Variants in AGFG1 observed in about 807,000 individuals in gnomAD.
AGFG1 encodes arf-GAP domain and FG repeat-containing protein 1.
AGFG1 carries 10 observed loss-of-function variants against 60.6 expected under a neutral mutation model. That is an observed-to-expected ratio of 0.16 (90% CI 0.10 to 0.28). The LOEUF (loss-of-function observed/expected upper bound fraction) is 0.28, where lower values mean the gene tolerates loss of function less well. Among genes scored for constraint, AGFG1 ranks in the 10% least tolerant of loss-of-function variants. The pLI, the probability that AGFG1 is intolerant of heterozygous loss-of-function variation, is 1.00. For synonymous variants in AGFG1, 247 were observed against 242.9 expected (o/e 1.02, Z -0.16); for missense variants, 537 against 676.5 (o/e 0.79, Z 2.29).
At chr2:227,511,766 CAGAG>C (rs1376792735) in intron 2 of AGFG1, among the ~76,000 whole-genome samples, 1 of 152,130 alleles carries the variant, frequency 6.6e-6, no homozygotes, top group African/African-American at 2.4e-5. Context: ...AGTGTTGAAT[CAGAG>C]AGGAGGTTCC....
At chr2:227,535,299 TC>T (rs1369505338) in intron 8 of AGFG1, among the ~76,000 whole-genome samples, 1 of 152,222 alleles carries the variant, frequency 6.6e-6, no homozygotes, top group Non-Finnish European at 1.5e-5. Flanking sequence ...AATGGACAGT[TC>T]CTTACAGATT....
chr2:227,481,846 T>G (rs555639737), intron 1 of AGFG1, among the ~76,000 whole-genome samples: 2 of 151,796 alleles, frequency 1.3e-5, no homozygotes, highest in East Asian at 3.9e-4. Context: ...GTGAAGAGAT[T>G]TAGATTTTGT....
At chr2:227,538,856 G>T (rs1247302628) in intron 10 of AGFG1, among the ~76,000 whole-genome samples, 1 of 151,988 alleles carries the variant, frequency 6.6e-6, no homozygotes, top group Non-Finnish European at 1.5e-5. Context: ...GATGATATAA[G>T]ATAATTCTAG....
chr2:227,523,700 A>G, intron 3 of AGFG1, 63 bp from the exon 4 acceptor site: 1 of 1,479,788 alleles, frequency 6.8e-7, no homozygotes, highest in Non-Finnish European at 9.3e-7. Flanking sequence ...AATTAAGCTT[A>G]TCATTTTTTG....
chr2:227,536,002 G>A (rs1457578340), intron 8 of AGFG1, among the ~76,000 whole-genome samples: 1 of 152,122 alleles, frequency 6.6e-6, no homozygotes, highest in Admixed American at 6.6e-5. Flanking sequence ...ACAATGGCAA[G>A]TAAAACTTGC....
chr2:227,484,486 G>C (rs1366368282), intron 1 of AGFG1, among the ~76,000 whole-genome samples: 1 of 151,974 alleles, frequency 6.6e-6, no homozygotes, highest in Non-Finnish European at 1.5e-5. Context: ...GCTCATTTAA[G>C]TGTTATTGTT....
chr2:227,476,901 CTCT>C (rs1382517968), intron 1 of AGFG1, among the ~76,000 whole-genome samples: 2 of 93,308 alleles, frequency 2.1e-5, no homozygotes, highest in Admixed American at 1.8e-4. Flanking sequence ...TTCTCTCTCT[CTCT>C]TTTTTTTTTT....
chr2:227,537,042 C>A, intron 10 of AGFG1, 49 bp downstream of exon 10: 1 of 1,493,738 alleles, frequency 6.7e-7, no homozygotes, highest in Non-Finnish European at 9.3e-7. Context: ...AGACATTTAT[C>A]AACAAAGACA....
intron 2 of AGFG1, among the ~76,000 whole-genome samples, chr2:227,513,370 A>G (rs1343284689): frequency 6.6e-6 from 1 of 152,098 alleles, no homozygotes; most frequent in Non-Finnish European, 1.5e-5. Flanking sequence ...CCTGCTTTCT[A>G]GTTGGGTTCA....
In AGFG1 at chr2:227,560,047, A is replaced by G. The variant is rs1022870241; in HGVS notation, c.*5552A>G. ...TTCTTGTATTCTTGTGTAGTCTTTA[A>G]GAAATGTTATCGTTTATTTTATATA... On this transcript the variant is annotated 3_prime_UTR_variant, in exon 13 of 13. Coordinates refer to ENST00000310078, the MANE Select transcript of AGFG1 (RefSeq NM_004504.5). 1.3e-4 allele frequency: 20 copies of G among 152,104 alleles called. No individual in the cohort carries two copies. Among genetic ancestry groups the G allele is most frequent in the African/African-American group, 4.6e-4 (19 of 41,446 alleles). The allele number at this position is 152,104 out of a possible 1,614,324, so 9.4% of individuals were successfully genotyped here. A position where few individuals can be genotyped will look rare whatever the true frequency, so the allele number is the denominator to read the frequency against.
chr2:227,509,716 A>G (rs1691440172), intron 2 of AGFG1, among the ~76,000 whole-genome samples: 1 of 152,118 alleles, frequency 6.6e-6, no homozygotes, highest in South Asian at 2.1e-4. Flanking sequence ...ATTATTTTGT[A>G]ATTAAAAAAC....
chr2:227,484,701 T>TG (rs1690573283), intron 1 of AGFG1, among the ~76,000 whole-genome samples: 1 of 19,120 alleles, frequency 5.2e-5, no homozygotes, highest in African/African-American at 1.7e-4. Context: ...TTTTTTTTTT[T>TG]TTTTTTTTTT....
intron 7 of AGFG1, among the ~76,000 whole-genome samples, chr2:227,534,548 T>C (rs1183658657): frequency 6.6e-6 from 1 of 152,214 alleles, no homozygotes; most frequent in East Asian, 1.9e-4. Flanking sequence ...TCCACCCGTC[T>C]TGGAGATGTT....
intron 6 of AGFG1, among the ~76,000 whole-genome samples, chr2:227,533,214 AG>A (rs1273406892): frequency 6.6e-6 from 1 of 152,192 alleles, no homozygotes; most frequent in Non-Finnish European, 1.5e-5. Flanking sequence ...CTGTTCAGGG[AG>A]AACTAGTGAA....
At chr2:227,526,799 C>T (rs1412752664) in intron 5 of AGFG1, among the ~76,000 whole-genome samples, 1 of 152,112 alleles carries the variant, frequency 6.6e-6, no homozygotes, top group East Asian at 1.9e-4. Context: ...CTGCCTTGGC[C>T]TCCCAAAGTA....
chr2:227,512,256 T>A (rs992655682), intron 2 of AGFG1, among the ~76,000 whole-genome samples: 16 of 152,186 alleles, frequency 1.1e-4, no homozygotes, highest in African/African-American at 3.4e-4. Context: ...TAAAACCAAA[T>A]GTTAAGATAG....
chr2:227,490,360 C>G (rs143510607), intron 1 of AGFG1, among the ~76,000 whole-genome samples: 2 of 152,008 alleles, frequency 1.3e-5, no homozygotes, highest in Admixed American at 6.6e-5. Context: ...AGGTGGATCA[C>G]GAGGTCAGGA....
chr2:227,538,039 TAAAA>T (rs938054995), intron 10 of AGFG1, among the ~76,000 whole-genome samples: 1 of 152,192 alleles, frequency 6.6e-6, no homozygotes, highest in Non-Finnish European at 1.5e-5. Context: ...AATTTAACTT[TAAAA>T]AAAGTTTAAT....
chr2:227,519,437 T>C (rs1237988566), intron 2 of AGFG1, among the ~76,000 whole-genome samples: 1 of 152,214 alleles, frequency 6.6e-6, no homozygotes, highest in East Asian at 1.9e-4. Context: ...TATCTCAGAT[T>C]CTCATTTTTT....
Sources: allele counts gnomAD v4.1 joint callset (sites outside exome capture counted in the v4.1 genomes callset), GRCh38; gene constraint gnomAD v4.1.1; transcripts MANE v1.5; gene names NCBI Gene and HGNC (gene_info 2026-07-23, HGNC 2026-07-21).